Variants in ITPR1 observed in about 807,000 individuals in gnomAD.
ITPR1 encodes inositol 1,4,5-trisphosphate receptor type 1, also known as inositol 1,4,5-trisphosphate-gated calcium channel ITPR1.
Under a neutral mutation model 318.4 loss-of-function variants are expected in ITPR1, and 96 were observed. The ratio of observed to expected loss-of-function variants is 0.30; its 90% confidence interval spans 0.26 to 0.36. ITPR1 has a LOEUF of 0.36. Among genes scored for constraint, ITPR1 ranks in the 10% least tolerant of loss-of-function variants. The probability of loss-of-function intolerance (pLI) is 1.00; values close to 1 mark genes in which losing one functional copy is unlikely to be tolerated. For missense variants in ITPR1, 2,440 were observed against 3,460.2 expected (o/e 0.71, Z 7.40); for synonymous variants, 1,312 against 1,289.9 (o/e 1.02, Z -0.37).
intron 54 of ITPR1, among the ~76,000 whole-genome samples, chr3:4,802,997 A>C (rs1475652571): frequency 6.6e-6 from 1 of 152,182 alleles, no homozygotes; most frequent in African/African-American, 2.4e-5. Flanking sequence ...GTAATTTATA[A>C]GAAAAGAGGT....
At chr3:4,596,144 T>G (rs2090792800) in intron 4 of ITPR1, 1 of 152,170 alleles carries the variant, frequency 6.6e-6, no homozygotes, top group African/African-American at 2.4e-5. Flanking sequence ...AGCTCTGCAT[T>G]TCACCGAGCT....
At position 4,646,017 on chromosome 3, in the gene ITPR1, T is replaced by C. The variant is rs967431362; in HGVS notation, c.855+289T>C. 10 of 332,498 alleles carry C rather than the reference T, an allele frequency of 3.0e-5. 1 individual carries two copies. In the Admixed American group the frequency reaches 4.3e-4, roughly 14 times the overall value. 20.6% of individuals were successfully genotyped at this position (332,498 alleles called of 1,614,324 possible). On this transcript the variant is annotated intron_variant, in intron 10 of 61. Coordinates refer to ENST00000649015, the MANE Select transcript of ITPR1 (RefSeq NM_001378452.1). The stretch of plus-strand genomic sequence containing the variant: ...TGCATATTTGTGCAGAAGGAAAGAA[T>C]AAGTACTTTGGAAACAAATTCAAAA...
intron 4 of ITPR1, among the ~76,000 whole-genome samples, chr3:4,616,409 A>T (rs1041433797): frequency 5.9e-5 from 9 of 152,188 alleles, no homozygotes; most frequent in Non-Finnish European, 1.3e-4. Flanking sequence ...GTGGGGAATT[A>T]ATACTCCCTC....
chr3:4,494,723 C>G (rs897963868), intron 2 of ITPR1, among the ~76,000 whole-genome samples: 4 of 152,026 alleles, frequency 2.6e-5, no homozygotes, highest in South Asian at 2.1e-4. Context: ...ATTGAAGGAG[C>G]CTGAAAGTTT....
At chr3:4,827,456 G>A (rs760425429) in intron 60 of ITPR1, among the ~76,000 whole-genome samples, 6 of 152,178 alleles carry the variant, frequency 3.9e-5, no homozygotes, top group East Asian at 1.9e-4. Flanking sequence ...TAAAACCTGC[G>A]TCTTTACAAT....
chr3:4,841,674 G>A (rs1485251656), intron 61 of ITPR1, among the ~76,000 whole-genome samples: 1 of 152,196 alleles, frequency 6.6e-6, no homozygotes, highest in Non-Finnish European at 1.5e-5. Context: ...GGAGTGATTT[G>A]TTCAATCTGA....
chr3:4,547,708 C>T (rs1466396489), intron 4 of ITPR1, among the ~76,000 whole-genome samples: 1 of 152,138 alleles, frequency 6.6e-6, no homozygotes, highest in African/African-American at 2.4e-5. Context: ...GGTTGATTCC[C>T]AACCCCCTTC....
intron 4 of ITPR1, among the ~76,000 whole-genome samples, chr3:4,573,245 C>A (rs1031493089): frequency 6.6e-6 from 1 of 152,190 alleles, no homozygotes; most frequent in African/African-American, 2.4e-5. Flanking sequence ...TCTATCCAAA[C>A]CTTGGAGTCT....
chr3:4,711,523 G>A (rs898372184), intron 38 of ITPR1: 17 of 494,828 alleles, frequency 3.4e-5, no homozygotes, highest in African/African-American at 3.1e-4. Flanking sequence ...ATTGTATGTG[G>A]CTGACTCCTG....
At chr3:4,673,431 G>C in intron 21 of ITPR1, 44 bp downstream of exon 21, 1 of 1,541,072 alleles carries the variant, frequency 6.5e-7, no homozygotes, top group Non-Finnish European at 8.8e-7. Context: ...TATTCTGTGC[G>C]GCAGTAGATA....
intron 4 of ITPR1, among the ~76,000 whole-genome samples, chr3:4,600,723 C>T (rs987695746): frequency 1.3e-5 from 2 of 152,040 alleles, no homozygotes; most frequent in Non-Finnish European, 2.9e-5. Context: ...AGACATATTC[C>T]TTGGGAGGTC....
rs143639294 is a variant in ITPR1 at position 4,739,155 on chromosome 3, G to A, written c.5544+3801G>A. ...CCCAGGGGGAGTGATTCAGAGTTTC[G>A]TCTTGCTGTTGAGAAGTTGGTTCAG... is the stretch of plus-strand genomic sequence containing the variant. On this transcript the variant is annotated intron_variant, in intron 44 of 61. Coordinates refer to ENST00000649015, the MANE Select transcript of ITPR1 (RefSeq NM_001378452.1). 7.9e-3 allele frequency among the ~76,000 whole-genome samples: 1,205 copies of A among 152,340 alleles called. 16 individuals carry two copies. The highest frequency in any genetic ancestry group is 0.027 in the African/African-American group (1,120 of 41,568).
At chr3:4,616,156 G>C (rs1001642677) in intron 4 of ITPR1, among the ~76,000 whole-genome samples, 3 of 152,280 alleles carry the variant, frequency 2.0e-5, no homozygotes, top group African/African-American at 4.8e-5. Flanking sequence ...TTTATGGAAG[G>C]CTTGCTGGAG....
At chr3:4,817,220 G>T (rs764290089) in intron 59 of ITPR1, among the ~76,000 whole-genome samples, 25 of 152,174 alleles carry the variant, frequency 1.6e-4, no homozygotes, top group Non-Finnish European at 3.4e-4. Context: ...AAAGAGCCCC[G>T]GTTCTTTTTA....
At chr3:4,494,284 A>G (rs1441431892) in intron 1 of ITPR1, 147 bp from the exon 2 acceptor site, 2 of 152,366 alleles carry the variant, frequency 1.3e-5, no homozygotes, top group Admixed American at 6.5e-5. Flanking sequence ...AAGCGATCCC[A>G]CCAACCTGCC....
chr3:4,701,873 T>A (rs1172359567), intron 35 of ITPR1, among the ~76,000 whole-genome samples: 1 of 152,212 alleles, frequency 6.6e-6, no homozygotes, highest in African/African-American at 2.4e-5. Context: ...TCTTTTTTAT[T>A]TTCTTAAAAT....
At chr3:4,601,950 G>A (rs1182294163) in intron 4 of ITPR1, among the ~76,000 whole-genome samples, 3 of 152,182 alleles carry the variant, frequency 2.0e-5, no homozygotes, top group Non-Finnish European at 4.4e-5. Flanking sequence ...ATGCAGAAAT[G>A]TTCAGTAGCA....
intron 4 of ITPR1, among the ~76,000 whole-genome samples, chr3:4,562,149 A>G (rs1025015346): frequency 3.9e-5 from 6 of 152,176 alleles, no homozygotes; most frequent in African/African-American, 1.4e-4. Context: ...AAGAAAGTTT[A>G]CAGATTTGCG....
chr3:4,529,510 T>C (rs2083247020), intron 4 of ITPR1, among the ~76,000 whole-genome samples: 1 of 152,234 alleles, frequency 6.6e-6, no homozygotes, highest in South Asian at 2.1e-4. Context: ...TTGATGAAGA[T>C]GTGTGGTGAA....
Sources: allele counts gnomAD v4.1 joint callset (sites outside exome capture counted in the v4.1 genomes callset), GRCh38; gene constraint gnomAD v4.1.1; transcripts MANE v1.5; gene names NCBI Gene and HGNC (gene_info 2026-07-23, HGNC 2026-07-21).